The following ARHGAP20 variants were observed in gnomAD, a reference collection of about 807,000 sequenced individuals.
The protein encoded by ARHGAP20 is rho GTPase-activating protein 20.
In ARHGAP20, 34 loss-of-function variants were observed where a neutral mutation model predicts 73.7. The ratio of observed to expected loss-of-function variants is 0.46; its 90% CI spans 0.35 to 0.61. ARHGAP20 has a LOEUF of 0.61. ARHGAP20 is among the 20% of genes least tolerant of loss of function. The pLI is 0.00. For synonymous variants in ARHGAP20, 523 were observed against 518.2 expected, an observed-to-expected ratio of 1.01 and a Z score of -0.13; for missense variants, 1,314 against 1,420.9, an observed-to-expected ratio of 0.92 and a Z score of 1.21.
chr11:110,640,200 G>A (rs1949051057), intron 2 of ARHGAP20, among the ~76,000 whole-genome samples: 1 of 151,844 alleles, frequency 6.6e-6, no homozygotes, highest in Admixed American at 6.6e-5. Context: ...ACTCCTAACT[G>A]GATTCTCTAA....
intron 3 of ARHGAP20, among the ~76,000 whole-genome samples, chr11:110,627,060 T>C (rs1300151187): frequency 2.6e-5 from 4 of 151,970 alleles, no homozygotes; most frequent in African/African-American, 9.7e-5. Context: ...GTGAATCCAA[T>C]ATAAACAGAC....
chr11:110,651,860 A>G (rs1260384637), intron 2 of ARHGAP20, among the ~76,000 whole-genome samples: 2 of 152,156 alleles, frequency 1.3e-5, no homozygotes, highest in East Asian at 1.9e-4. Context: ...ACAACTGAGA[A>G]GGAGGGACTC....
rs1272508794 is a variant in ARHGAP20, at chr11:110,577,471, G to A, written c.*1899C>T. On this transcript the variant is annotated 3_prime_UTR_variant, in exon 15 of 15. Transcript: ENST00000683387. ...TGAATGATTTTTTACCTGCTAACAT[G>A]AAAAAAAAAAAAAAGGCAATTTCTT... The A allele has an allele frequency of 2.3e-5, 21 of 906,650 alleles. No homozygotes were observed. The highest frequency in any genetic ancestry group is 6.3e-5 in the Admixed American group (1 of 15,816). 56.2% of individuals were successfully genotyped at this position (906,650 alleles called of 1,614,324 possible).
intron 8 of ARHGAP20, among the ~76,000 whole-genome samples, chr11:110,608,687 T>C (rs1381694174): frequency 2.0e-5 from 3 of 152,166 alleles, no homozygotes; most frequent in Non-Finnish European, 4.4e-5. Context: ...CCAACACATA[T>C]TTCTTTCTTA....
chr11:110,590,962 AC>A (rs1229860577), intron 10 of ARHGAP20, among the ~76,000 whole-genome samples, 153 bp from the exon 11 acceptor site: 1 of 151,914 alleles, frequency 6.6e-6, no homozygotes, highest in Admixed American at 6.6e-5. Flanking sequence ...AATTAAAGTC[AC>A]CTTTTTGGAG....
intron 2 of ARHGAP20, among the ~76,000 whole-genome samples, chr11:110,652,755 A>G (rs1267638691): frequency 1.3e-5 from 2 of 152,132 alleles, no homozygotes; most frequent in Admixed American, 6.5e-5. Context: ...ACAAATGGAA[A>G]AACATTCCAT....
intron 1 of ARHGAP20, among the ~76,000 whole-genome samples, chr11:110,705,537 TAAG>T (rs1292459097): frequency 6.6e-6 from 1 of 152,212 alleles, no homozygotes; most frequent in East Asian, 1.9e-4. Flanking sequence ...TACACATGTA[TAAG>T]AAGATTATCC....
At chr11:110,654,193 C>A (rs996323554) in intron 2 of ARHGAP20, among the ~76,000 whole-genome samples, 16 of 152,052 alleles carry the variant, frequency 1.1e-4, no homozygotes, top group Non-Finnish European at 1.5e-4. Context: ...CACATGTACT[C>A]TGGAACTTAA....
At chr11:110,639,337 G>A (rs760803143) in intron 2 of ARHGAP20, among the ~76,000 whole-genome samples, 3 of 149,288 alleles carry the variant, frequency 2.0e-5, no homozygotes, top group Admixed American at 6.7e-5. Context: ...CTGAACCTCC[G>A]AGTTCTCTGA....
At chr11:110,669,764 T>C (rs1269293618) in intron 2 of ARHGAP20, among the ~76,000 whole-genome samples, 2 of 152,150 alleles carry the variant, frequency 1.3e-5, no homozygotes, top group Non-Finnish European at 2.9e-5. Context: ...GTTCGTAATA[T>C]ATACAACTAC....
intron 1 of ARHGAP20, chr11:110,711,879 G>A (rs1000743909): frequency 8.4e-6 from 11 of 1,312,190 alleles, no homozygotes; most frequent in African/African-American, 1.5e-5. Context: ...GAGGGAGGCT[G>A]CGAGGTCGCT....
intron 12 of ARHGAP20, 55 bp downstream of exon 12, chr11:110,586,161 T>A (rs1374010298): frequency 2.2e-6 from 2 of 923,472 alleles, no homozygotes; most frequent in African/African-American, 3.5e-5. Context: ...TAATAAATAA[T>A]CTTATAAAAT....
chr11:110,690,738 G>A lies in ARHGAP20; in HGVS notation c.106-109C>T, dbSNP rs529831027. 347 of 1,075,580 alleles carry A rather than the reference G, an allele frequency of 3.2e-4. 2 individuals carry two copies. The African/African-American group carries it at 4.7e-3, about 14-fold the overall frequency. 66.6% of individuals were successfully genotyped at this position (1,075,580 alleles called of 1,614,324 possible). On this transcript the variant is annotated intron_variant, in intron 1 of 14. Coordinates refer to ENST00000683387, the MANE Select transcript of ARHGAP20 (RefSeq NM_001384657.1). ...AGTTTTGCATTGCCTATCTTTGTCT[G>A]TCAAGGAGCCTACAGTTTCATTATG...
At chr11:110,702,955 C>G (rs915295501) in intron 1 of ARHGAP20, among the ~76,000 whole-genome samples, 5 of 152,146 alleles carry the variant, frequency 3.3e-5, no homozygotes, top group Admixed American at 6.5e-5. Context: ...AATGGCCATA[C>G]TGCCCAAGGT....
chr11:110,680,836 A>G (rs564634814), intron 2 of ARHGAP20, among the ~76,000 whole-genome samples: 1 of 152,324 alleles, frequency 6.6e-6, no homozygotes, highest in African/African-American at 2.4e-5. Context: ...TTTGAAAAGA[A>G]TAAAGCAATA....
At chr11:110,631,438 C>T (rs1252691096) in intron 2 of ARHGAP20, among the ~76,000 whole-genome samples, 3 of 152,150 alleles carry the variant, frequency 2.0e-5, no homozygotes, top group South Asian at 2.1e-4. Flanking sequence ...CAGTTCAAAA[C>T]CTCACTAGTA....
intron 6 of ARHGAP20, among the ~76,000 whole-genome samples, chr11:110,612,214 C>A (rs1448383330): frequency 6.6e-6 from 1 of 151,224 alleles, no homozygotes; most frequent in Non-Finnish European, 1.5e-5. Context: ...GTCAGGAGAT[C>A]GAGACCATCC....
In ARHGAP20 at chr11:110,664,746, GA is replaced by G. The variant is rs1213690568; in HGVS notation, c.188+25800del. On this transcript the variant is annotated intron_variant, in intron 2 of 14. Transcript: ENST00000683387. The stretch of plus-strand genomic sequence containing the variant: ...CCGTCTCAAAAAAAAAAAAAAAAAA[GA>G]AAAAAGAAAGAAAGATATTGTTTAC... 6.5e-5 allele frequency among the ~76,000 whole-genome samples: 9 copies of G among 137,640 alleles called. No homozygotes were observed. In the East Asian group the frequency reaches 1.9e-3, roughly 29 times the overall value. The allele number at this position is 137,640 out of a possible 152,430, so 90.3% of individuals were successfully genotyped here.
At chr11:110,707,828 T>G (rs1198531187) in intron 1 of ARHGAP20, among the ~76,000 whole-genome samples, 1 of 151,874 alleles carries the variant, frequency 6.6e-6, no homozygotes, top group Admixed American at 6.5e-5. Flanking sequence ...TGTTTGTTCC[T>G]TTAATAACAG....
Sources: allele counts gnomAD v4.1 joint callset (sites outside exome capture counted in the v4.1 genomes callset), GRCh38; gene constraint gnomAD v4.1.1; transcripts MANE v1.5; gene names NCBI Gene and HGNC (gene_info 2026-07-23, HGNC 2026-07-21).